The following OSBPL6 variants were observed in gnomAD, a reference collection of about 807,000 sequenced individuals.
OSBPL6 encodes the protein oxysterol binding protein like 6.
In OSBPL6, 49 loss-of-function variants were observed where a neutral mutation model predicts 125.8. That is an observed-to-expected ratio of 0.39 (90% CI 0.31 to 0.49). The LOEUF (loss-of-function observed/expected upper bound fraction) is 0.49. Ranked by LOEUF, OSBPL6 falls within the 20% of genes least tolerant of loss-of-function variation. The probability of loss-of-function intolerance (pLI) is 0.88; values close to 1 mark genes in which losing one functional copy is unlikely to be tolerated. For synonymous variants in OSBPL6, 394 were observed against 391.8 expected (o/e 1.01, Z -0.07); for missense variants, 986 against 1,135.4 (o/e 0.87, Z 1.89).
chr2:178,282,757 T>C (rs181398872), intron 1 of OSBPL6, among the ~76,000 whole-genome samples: 229 of 152,310 alleles, frequency 1.5e-3, no homozygotes, highest in Non-Finnish European at 2.8e-3. Flanking sequence ...TTTCAAGCGA[T>C]TCTCCTGCCT....
intron 2 of OSBPL6, among the ~76,000 whole-genome samples, chr2:178,292,624 C>T (rs1685390273): frequency 6.6e-6 from 1 of 152,108 alleles, no homozygotes; most frequent in African/African-American, 2.4e-5. Flanking sequence ...TTCAGACAGG[C>T]TTTAATTCAT....
At chr2:178,366,920 C>G (rs567778766) in intron 13 of OSBPL6, among the ~76,000 whole-genome samples, 6 of 152,028 alleles carry the variant, frequency 3.9e-5, no homozygotes, top group Non-Finnish European at 8.8e-5. Context: ...ATGTTTTTAC[C>G]CTTTTACCCT....
chr2:178,261,648 G>A (rs112658033), intron 1 of OSBPL6, among the ~76,000 whole-genome samples: 44 of 152,266 alleles, frequency 2.9e-4, no homozygotes, highest in African/African-American at 1.0e-3. Flanking sequence ...AAGGTGAAAC[G>A]CAAATATTAT....
chr2:178,283,630 T>C (rs922324268), intron 1 of OSBPL6, among the ~76,000 whole-genome samples: 2 of 152,188 alleles, frequency 1.3e-5, no homozygotes, highest in African/African-American at 4.8e-5. Flanking sequence ...TTGGTCCATT[T>C]GTGTTGTCAT....
intron 11 of OSBPL6, among the ~76,000 whole-genome samples, chr2:178,341,206 G>A (rs1232204332): frequency 6.7e-6 from 1 of 149,274 alleles, no homozygotes; most frequent in Non-Finnish European, 1.5e-5. Context: ...TGTCTGTAGT[G>A]TATGCTATTG....
At chr2:178,278,063 A>C (rs1230400425) in intron 1 of OSBPL6, among the ~76,000 whole-genome samples, 1 of 152,218 alleles carries the variant, frequency 6.6e-6, no homozygotes, top group East Asian at 1.9e-4. Flanking sequence ...ACTACAGACT[A>C]CACTTTCCCG....
rs1480902798 is a variant in OSBPL6 at position 178,385,538 on chromosome 2, T to A, written c.2077+17T>A. The A allele has an allele frequency of 1.1e-5, 17 of 1,557,202 alleles. No homozygotes were observed. The highest frequency in any genetic ancestry group is 1.4e-5 in the Non-Finnish European group (16 of 1,129,606). The stretch of plus-strand genomic sequence containing the variant: ...TTTGGCAAGGTTTGTATTTCAATTA[T>A]AATTTAAAATCAAATGTATGAGCCT... On this transcript the variant is annotated intron_variant, in intron 19 of 24. Coordinates refer to ENST00000190611, the MANE Select transcript of OSBPL6 (RefSeq NM_032523.4).
chr2:178,286,650 C>G (rs1684719900), intron 2 of OSBPL6, among the ~76,000 whole-genome samples: 2 of 152,108 alleles, frequency 1.3e-5, no homozygotes, highest in South Asian at 2.1e-4. Flanking sequence ...ATCTCAGGGT[C>G]TGATATTTCA....
At chr2:178,228,073 G>A (rs980592753) in intron 1 of OSBPL6, among the ~76,000 whole-genome samples, 2 of 152,148 alleles carry the variant, frequency 1.3e-5, no homozygotes, top group Non-Finnish European at 2.9e-5. Flanking sequence ...GAGTAGCACA[G>A]TACATTTACA....
At chr2:178,375,400 T>TG (rs1693768860) in intron 15 of OSBPL6, among the ~76,000 whole-genome samples, 1 of 151,930 alleles carries the variant, frequency 6.6e-6, no homozygotes, top group African/African-American at 2.4e-5. Context: ...ATCCTTCTTT[T>TG]TTTGTTGTTG....
chr2:178,302,477 A>G (rs543082120), intron 2 of OSBPL6, among the ~76,000 whole-genome samples: 13 of 152,298 alleles, frequency 8.5e-5, no homozygotes, highest in African/African-American at 2.6e-4. Flanking sequence ...ACTTACTTTT[A>G]TAATGCATTT....
chr2:178,216,384 C>T (rs1347388091), intron 1 of OSBPL6, among the ~76,000 whole-genome samples: 2 of 152,194 alleles, frequency 1.3e-5, no homozygotes, highest in Non-Finnish European at 2.9e-5. Flanking sequence ...GAAAGACTCT[C>T]ACTGACCATA....
chr2:178,255,595 C>T (rs754414031), intron 1 of OSBPL6, among the ~76,000 whole-genome samples: 11 of 152,192 alleles, frequency 7.2e-5, no homozygotes, highest in African/African-American at 9.7e-5. Flanking sequence ...ACTCTCTAAG[C>T]GTTTTTCTCC....
At chr2:178,266,827 G>A (rs959078496) in intron 1 of OSBPL6, among the ~76,000 whole-genome samples, 5 of 152,146 alleles carry the variant, frequency 3.3e-5, no homozygotes, top group Non-Finnish European at 7.4e-5. Flanking sequence ...CCATTGTGGG[G>A]TCCAAGCTTT....
At chr2:178,205,525 A>G (rs2089479817) in intron 1 of OSBPL6, among the ~76,000 whole-genome samples, 1 of 152,210 alleles carries the variant, frequency 6.6e-6, no homozygotes, top group Non-Finnish European at 1.5e-5. Context: ...CAAAGCTTCT[A>G]GAAAAAGAAA....
chr2:178,350,736 G>C (rs558211429), intron 12 of OSBPL6, among the ~76,000 whole-genome samples: 1 of 152,138 alleles, frequency 6.6e-6, no homozygotes, highest in African/African-American at 2.4e-5. Context: ...TTATGTAACA[G>C]CATAGATTTA....
At chr2:178,293,898 A>G (rs986462780) in intron 2 of OSBPL6, among the ~76,000 whole-genome samples, 6 of 152,142 alleles carry the variant, frequency 3.9e-5, no homozygotes, top group African/African-American at 1.4e-4. Context: ...GGACATCTGT[A>G]TATAAAACAG....
intron 11 of OSBPL6, among the ~76,000 whole-genome samples, chr2:178,348,312 G>T (rs1486466355): frequency 6.6e-6 from 1 of 152,200 alleles, no homozygotes. Flanking sequence ...GAAGATAATT[G>T]AATGCACGTC....
intron 5 of OSBPL6, among the ~76,000 whole-genome samples, chr2:178,330,024 A>G: frequency 6.6e-6 from 1 of 152,094 alleles, no homozygotes; most frequent in Non-Finnish European, 1.5e-5. Flanking sequence ...CTGAACCCAT[A>G]ATATTATCGT....
Sources: allele counts gnomAD v4.1 joint callset (sites outside exome capture counted in the v4.1 genomes callset), GRCh38; gene constraint gnomAD v4.1.1; transcripts MANE v1.5; gene names NCBI Gene and HGNC (gene_info 2026-07-23, HGNC 2026-07-21).